Variants in PRPSAP2 observed in about 807,000 individuals in gnomAD.
The protein encoded by PRPSAP2 is phosphoribosyl pyrophosphate synthase-associated protein 2.
In PRPSAP2, 24 loss-of-function variants were observed where a neutral mutation model predicts 40.6. The ratio of observed to expected loss-of-function variants is 0.59; its 90% CI spans 0.43 to 0.83. The LOEUF is 0.83. Ranked by LOEUF, PRPSAP2 falls within the 40% of genes least tolerant of loss-of-function variation. The pLI is 0.00. For missense variants in PRPSAP2, 292 were observed against 465.6 expected, an observed-to-expected ratio of 0.63 and a Z score of 3.43; for synonymous variants, 149 against 164.7, an observed-to-expected ratio of 0.90 and a Z score of 0.73.
intron 8 of PRPSAP2, among the ~76,000 whole-genome samples, chr17:18,905,790 T>G (rs1010887844): frequency 2.0e-5 from 3 of 151,952 alleles, no homozygotes; most frequent in Non-Finnish European, 1.5e-5. Context: ...TCCATGTTGG[T>G]CAGGCTGGCC....
intron 8 of PRPSAP2, among the ~76,000 whole-genome samples, chr17:18,896,325 T>C (rs1047216843): frequency 7.2e-5 from 11 of 152,182 alleles, no homozygotes; most frequent in Non-Finnish European, 1.5e-4. Flanking sequence ...TGGACAGAGA[T>C]TTCCTGAAAT....
rs1431968382 is a variant in PRPSAP2, at chr17:18,865,790, A to G, written c.-32-12A>G. 7.2e-7 allele frequency: 1 copy of G among 1,395,410 alleles called. No individual in the cohort carries two copies. The highest frequency in any genetic ancestry group is 1.9e-4 in the Middle Eastern group (1 of 5,164). 86.4% of individuals were successfully genotyped at this position (1,395,410 alleles called of 1,614,324 possible). Reference sequence around the variant, plus strand: ...CATATGGCAGTTTTTAATAAGTATTATATCCTTCTAGGCTCTGAAAATTGG... The same window carrying G: ...CATATGGCAGTTTTTAATAAGTATTGTATCCTTCTAGGCTCTGAAAATTGG... On this transcript the variant is annotated splice_polypyrimidine_tract_variant and intron_variant, in intron 2 of 11. Transcript: ENST00000268835.
At chr17:18,889,780 T>C (rs1167864840) in intron 7 of PRPSAP2, 42 bp from the exon 8 acceptor site, 3 of 1,505,354 alleles carry the variant, frequency 2.0e-6, no homozygotes, top group East Asian at 2.4e-5. Context: ...AATTTTCCTT[T>C]TTGTTGACAT....
intron 9 of PRPSAP2, among the ~76,000 whole-genome samples, chr17:18,920,524 G>T (rs1465598361): frequency 2.0e-5 from 3 of 152,080 alleles, no homozygotes; most frequent in African/African-American, 4.8e-5. Flanking sequence ...CTAAATATTT[G>T]ATTGTTTTTA....
chr17:18,918,794 AGT>A (rs1696056613), intron 9 of PRPSAP2, among the ~76,000 whole-genome samples: 1 of 152,190 alleles, frequency 6.6e-6, no homozygotes, highest in Non-Finnish European at 1.5e-5. Context: ...GAGCAGTGGG[AGT>A]GTGAAGGACA....
At chr17:18,913,745 A>G (rs1205407091) in intron 9 of PRPSAP2, among the ~76,000 whole-genome samples, 1 of 150,378 alleles carries the variant, frequency 6.6e-6, no homozygotes, top group South Asian at 2.1e-4. Context: ...ACAAAGTTTT[A>G]CCATGTTGCC....
intron 10 of PRPSAP2, chr17:18,928,437 T>C: frequency 3.6e-6 from 1 of 276,108 alleles, no homozygotes; most frequent in Non-Finnish European, 7.2e-6. Context: ...AAACATCTTT[T>C]AACACTTTTT....
upstream of PRPSAP2, chr17:18,856,409 G>C (rs2036594813): frequency 6.6e-6 from 1 of 152,192 alleles, no homozygotes. Flanking sequence ...CCGAGGTACC[G>C]CTGAAGAGGA....
chr17:18,896,797 C>T (rs2039937252), intron 8 of PRPSAP2, among the ~76,000 whole-genome samples: 1 of 152,064 alleles, frequency 6.6e-6, no homozygotes, highest in Non-Finnish European at 1.5e-5. Context: ...TGAGAATGGG[C>T]TTCTTGAGAA....
chr17:18,891,801 A>G (rs2039559913), intron 8 of PRPSAP2, among the ~76,000 whole-genome samples: 1 of 152,134 alleles, frequency 6.6e-6, no homozygotes, highest in South Asian at 2.1e-4. Context: ...GGTTTCTTTC[A>G]CTTAGCAGTT....
chr17:18,886,151 T>TAGCAAA (rs1411802942), intron 7 of PRPSAP2, among the ~76,000 whole-genome samples: 15 of 152,298 alleles, frequency 9.8e-5, no homozygotes, highest in Non-Finnish European at 2.1e-4. Flanking sequence ...TTACATTATT[T>TAGCAAA]TACGTCACCA....
chr17:18,895,993 C>T (rs1489147608), intron 8 of PRPSAP2, among the ~76,000 whole-genome samples: 4 of 152,098 alleles, frequency 2.6e-5, no homozygotes, highest in African/African-American at 9.7e-5. Flanking sequence ...TGGTCTCAAA[C>T]TCCTGGCCTC....
rs1217489535 is a variant in PRPSAP2 at position 18,921,984 on chromosome 17, GCCCCCAT to G, written c.734-1923_734-1917del. On this transcript the variant is annotated intron_variant, in intron 9 of 11. Coordinates refer to ENST00000268835, the MANE Select transcript of PRPSAP2 (RefSeq NM_002767.4). The stretch of plus-strand genomic sequence containing the variant: ...TGCACCCATTAAGTAGTTTCACCAT[GCCCCCAT>G]CCCCCAGCCCCTGGCAACCACTTAC... 3.9e-5 allele frequency among the ~76,000 whole-genome samples: 6 copies of G among 152,182 alleles called. No homozygotes were observed. The South Asian group carries it at 1.0e-3, about 26-fold the overall frequency.
At chr17:18,906,451 C>T (rs12940837) in intron 8 of PRPSAP2, among the ~76,000 whole-genome samples, 29,255 of 151,810 alleles carry the variant, frequency 0.19, 3,480 homozygotes, top group South Asian at 0.28. Flanking sequence ...CTTGACCTTG[C>T]GATCCACCCG....
chr17:18,867,005 G>A (rs2037480175), intron 3 of PRPSAP2, among the ~76,000 whole-genome samples: 1 of 152,030 alleles, frequency 6.6e-6, no homozygotes, highest in Admixed American at 6.6e-5. Context: ...AGTTCTTGGT[G>A]TGTCTCAGGA....
chr17:18,901,874 T>C (rs986702581), intron 8 of PRPSAP2, among the ~76,000 whole-genome samples: 1 of 152,070 alleles, frequency 6.6e-6, no homozygotes, highest in African/African-American at 2.4e-5. Flanking sequence ...CTCCATCTCC[T>C]GGGCTCAAGA....
rs1049488666 is a variant in PRPSAP2 at position 18,908,645 on chromosome 17, A to G, written c.585-2458A>G. 4 of 720,368 alleles carry G rather than the reference A, an allele frequency of 5.6e-6. No homozygotes were observed. The African/African-American group carries it at 7.0e-5, about 13-fold the overall frequency. 44.6% of individuals were successfully genotyped at this position (720,368 alleles called of 1,614,324 possible). A position where few individuals can be genotyped will look rare whatever the true frequency, so the allele number is the denominator to read the frequency against. ...GCCTGGGTCTGGAACACCCACGCCG[A>G]CTTCGCCAACGAGTGCCCCAAGCCA... is the stretch of plus-strand genomic sequence containing the variant. On this transcript the variant is annotated intron_variant, in intron 8 of 11. Transcript: ENST00000268835.
At chr17:18,883,668 G>A (rs2038929216) in intron 7 of PRPSAP2, among the ~76,000 whole-genome samples, 1 of 152,058 alleles carries the variant, frequency 6.6e-6, no homozygotes, top group Non-Finnish European at 1.5e-5. Context: ...TTACAGGCAT[G>A]AGCCACCGCA....
intron 5 of PRPSAP2, among the ~76,000 whole-genome samples, chr17:18,875,234 G>A (rs1201238089): frequency 1.3e-5 from 2 of 152,064 alleles, no homozygotes; most frequent in African/African-American, 2.4e-5. Flanking sequence ...GAGTCTGGAC[G>A]TCATGGTCTT....
Sources: allele counts gnomAD v4.1 joint callset (sites outside exome capture counted in the v4.1 genomes callset), GRCh38; gene constraint gnomAD v4.1.1; transcripts MANE v1.5; gene names NCBI Gene and HGNC (gene_info 2026-07-23, HGNC 2026-07-21).